The following IQSEC2 variants were observed in gnomAD, a reference collection of about 807,000 sequenced individuals.
The protein encoded by IQSEC2 is IQ motif and SEC7 domain-containing protein 2.
IQSEC2 carries 6 observed loss-of-function variants against 74.6 expected under a neutral mutation model. That is an observed-to-expected ratio of 0.08 (90% CI 0.04 to 0.16). IQSEC2 has a LOEUF of 0.16. Among genes scored for constraint, IQSEC2 ranks in the 10% least tolerant of loss-of-function variants. IQSEC2 has a pLI of 1.00. For missense variants in IQSEC2, 734 were observed against 1,306.2 expected (o/e 0.56, Z 6.75); for synonymous variants, 494 against 544.5 (o/e 0.91, Z 1.29).
chrX:53,312,242 C>T (rs1675041126), intron 1 of IQSEC2, among the ~76,000 whole-genome samples: 1 of 111,221 alleles, frequency 9.0e-6, no homozygotes, highest in African/African-American at 3.3e-5. Context: ...TCCTCCAAGC[C>T]TCAGCTCAGG....
chrX:53,289,152 C>G (rs1206785984), intron 2 of IQSEC2, among the ~76,000 whole-genome samples: 1 of 111,987 alleles, frequency 8.9e-6, no homozygotes, highest in Non-Finnish European at 1.9e-5. Context: ...TCTTCCACCT[C>G]CCTAGCCCTT....
At chrX:53,297,714 T>C (rs2075167542) in intron 1 of IQSEC2, among the ~76,000 whole-genome samples, 1 of 111,792 alleles carries the variant, frequency 8.9e-6, no homozygotes, top group South Asian at 3.8e-4. Context: ...GCAATTCTCC[T>C]CTCAATATGC....
In IQSEC2 at chrX:53,320,936, T is replaced by C. The variant is rs782051125; in HGVS notation, c.188A>G (p.Glu63Gly). ...QLTQENRDLR[E>G]ESQLHRGELH... Reference sequence around the variant, plus strand: ...CTCCCCGCGGTGCAGCTGGCTCTCCTCTCGCAGGTCGCGGTTCTCCTGGGT... The same window carrying C: ...CTCCCCGCGGTGCAGCTGGCTCTCCCCTCGCAGGTCGCGGTTCTCCTGGGT... Residue 63 changes from glutamate to glycine, a missense_variant, in exon 1 of 15, where the codon GAG (glutamate) becomes GGG (glycine). Coordinates refer to ENST00000642864, the MANE Select transcript of IQSEC2 (RefSeq NM_001111125.3). 1.2e-4 allele frequency: 145 copies of C among 1,160,224 alleles called. No individual in the cohort carries two copies. The East Asian group carries it at 3.0e-3, about 24-fold the overall frequency.
Position 53,234,040 on chromosome X carries a change from A to C in IQSEC2, c.*179T>G. The C allele has an allele frequency of 3.2e-6, 1 of 308,054 alleles. No homozygotes were observed. The highest frequency in any genetic ancestry group is 6.0e-5 in the Admixed American group (1 of 16,692). 25.4% of individuals were successfully genotyped at this position (308,054 alleles called of 1,213,427 possible). A position where few individuals can be genotyped will look rare whatever the true frequency, so the allele number is the denominator to read the frequency against. On this transcript the variant is annotated 3_prime_UTR_variant, in exon 15 of 15. Transcript: ENST00000642864. ...GCAAGGATCCTCGAATCTGGAAGGA[A>C]ACCCCATGGCAACTGCTGGGGGTGA...
rs1556864708 is a variant in IQSEC2, at chrX:53,254,824, C to A, written c.1107G>T (p.Arg369=). 1.6e-5 allele frequency: 19 copies of A among 1,206,796 alleles called. No individual in the cohort carries two copies. Among genetic ancestry groups the A allele is most frequent in the Non-Finnish European group, 2.1e-5 (19 of 892,932 alleles). The part of the protein sequence containing the change: ...RQYRMNKNFE[R]LRSSASESRM... Reference sequence around the variant, plus strand: ...GGCTCTCTGAGGCTGAGCTGCGTAGCCGCTCAAAGTTCTTGTTCATGCGGT... The same window carrying A: ...GGCTCTCTGAGGCTGAGCTGCGTAGACGCTCAAAGTTCTTGTTCATGCGGT... Residue 369 remains arginine, a synonymous_variant, in exon 4 of 15, where the codon CGG becomes CGT. Transcript: ENST00000642864.
chrX:53,315,749 G>A (rs1167992022), intron 1 of IQSEC2, among the ~76,000 whole-genome samples: 1 of 112,227 alleles, frequency 8.9e-6, no homozygotes, highest in Non-Finnish European at 1.9e-5. Context: ...CATAGCGTGG[G>A]GCCTGGCAGA....
At chrX:53,281,954 T>A (rs1321367596) in intron 2 of IQSEC2, among the ~76,000 whole-genome samples, 2 of 112,535 alleles carry the variant, frequency 1.8e-5, no homozygotes, top group Non-Finnish European at 3.8e-5. Context: ...ATCTGCCCCT[T>A]CAGCCATATT....
chrX:53,249,650 CTTCCAATTACATCTAATGTT>C (rs1346617665), intron 5 of IQSEC2, among the ~76,000 whole-genome samples: 3 of 112,313 alleles, frequency 2.7e-5, no homozygotes, highest in Non-Finnish European at 5.6e-5. Context: ...CAAGTAATGG[CTTCCAATTACATCTAATGTT>C]TTCCAATTAC....
At chrX:53,247,178 A>G in intron 7 of IQSEC2, 43 bp from the exon 8 acceptor site, 1 of 1,152,709 alleles carries the variant, frequency 8.7e-7, no homozygotes, top group Non-Finnish European at 1.2e-6. Context: ...GGAACCAGCC[A>G]TCTCTGCCTA....
At chrX:53,238,404 C>T (rs1556860230) in intron 11 of IQSEC2, 98 bp from the exon 12 acceptor site, 4 of 826,765 alleles carry the variant, frequency 4.8e-6, no homozygotes, top group Non-Finnish European at 7.1e-6. Context: ...TTTTCTGAGA[C>T]AACATCTCTC....
chrX:53,293,196 A>G lies in IQSEC2; in HGVS notation c.708-1272T>C, dbSNP rs138987472. On this transcript the variant is annotated intron_variant, in intron 1 of 14. Coordinates refer to ENST00000642864, the MANE Select transcript of IQSEC2 (RefSeq NM_001111125.3). ...GGCAGGCAAGCATCAGGGTGCTGCA[A>G]CCACAGCACTCCCGGTTCCACTATT... Among the ~76,000 whole-genome samples the G allele has an allele frequency of 7.7e-3, 864 of 112,451 alleles. 5 individuals carry two copies. Among genetic ancestry groups the G allele is most frequent in the African/African-American group, 0.025 (776 of 30,973 alleles).
At chrX:53,255,294 AGAAG>A (rs1282220202) in intron 3 of IQSEC2, among the ~76,000 whole-genome samples, 2 of 111,491 alleles carry the variant, frequency 1.8e-5, no homozygotes, top group East Asian at 5.6e-4. Context: ...AGAAAGGCAG[AGAAG>A]GAAGGAAGGA....
chrX:53,266,901 G>C, intron 2 of IQSEC2: 1 of 444,776 alleles, frequency 2.2e-6, no homozygotes, highest in Non-Finnish European at 3.6e-6. Context: ...GGGGGTGGGT[G>C]GGGGGAAGGA....
At chrX:53,317,862 A>T (rs1209907688) in intron 1 of IQSEC2, among the ~76,000 whole-genome samples, 1 of 112,351 alleles carries the variant, frequency 8.9e-6, no homozygotes, top group Non-Finnish European at 1.9e-5. Flanking sequence ...TACTGCATCA[A>T]CAGGCCCTCC....
Position 53,254,725 on chromosome X carries a change from G to C in IQSEC2, c.1206C>G (p.Asn402Lys). ...FSFEEYEKAQ[N>K]PAYFEGKPAS... ...CAGGCTTGCCCTCGAAGTACGCGGG[G>C]TTCTGTGCCTTCTCATACTCCTCAA... The change falls in exon 4 of 15, where the codon AAC (asparagine) becomes AAG (lysine). Residue 402 changes from asparagine to lysine, a missense_variant. Asn to Lys is a moderately conservative substitution (Grantham distance 94). This residue lies in a region of IQSEC2 where 204 missense variants were observed against 305.4 expected (regional missense o/e 0.67). Transcript: ENST00000642864. 1 of 1,206,694 alleles carries C rather than the reference G, an allele frequency of 8.3e-7. No homozygotes were observed. Among genetic ancestry groups the C allele is most frequent in the Non-Finnish European group, 1.1e-6 (1 of 892,713 alleles).
At chrX:53,277,036 T>C (rs1231696070) in intron 2 of IQSEC2, among the ~76,000 whole-genome samples, 1 of 111,173 alleles carries the variant, frequency 9.0e-6, no homozygotes, top group African/African-American at 3.3e-5. Flanking sequence ...AGTTGTTGTT[T>C]TTTTTTTATT....
At chrX:53,307,340 T>C (rs1464655129) in intron 1 of IQSEC2, among the ~76,000 whole-genome samples, 2 of 93,247 alleles carry the variant, frequency 2.1e-5, no homozygotes, top group East Asian at 6.9e-4. Flanking sequence ...CATCATGTTA[T>C]CATATTGCCC....
chrX:53,250,832 G>A lies in IQSEC2; in HGVS notation c.1744C>T (p.Arg582Trp), dbSNP rs1064797067. Residue 582 changes from arginine (R) to tryptophan (W), a missense_variant, in exon 5 of 15, where the codon CGG (arginine) becomes TGG (tryptophan). Transcript: ENST00000642864. ...TGGGCAGCCCGCAGCCGGAAATCCC[G>A]GCACTCCAAGCACCCGGGACCCCTG... Reference protein sequence around the residue: ...TRRGPGCLECRDFRLRAAHLP... With the variant: ...TRRGPGCLECWDFRLRAAHLP... The A allele has an allele frequency of 1.7e-6, 2 of 1,207,901 alleles. No individual in the cohort carries two copies. Among genetic ancestry groups the A allele is most frequent in the Non-Finnish European group, 2.2e-6 (2 of 893,640 alleles).
In IQSEC2 at chrX:53,250,851, A is replaced by G; in HGVS notation, c.1725T>C (p.Gly575=). ...AATCCCGGCACTCCAAGCACCCGGG[A>G]CCCCTGCGAGTGCCTTCCTCACGGC... The part of the protein sequence containing the change: ...DGSREEGTRR[G]PGCLECRDFR... The change falls in exon 5 of 15, where the codon GGT becomes GGC. Residue 575 remains glycine, a synonymous_variant. Transcript: ENST00000642864. The G allele has an allele frequency of 1.7e-6, 2 of 1,209,126 alleles. No individual in the cohort carries two copies. The highest frequency in any genetic ancestry group is 5.9e-5 in the East Asian group (2 of 33,779).
Sources: gnomAD v4.1 joint callset for allele counts (sites outside exome capture counted in the v4.1 genomes callset) on GRCh38, gnomAD v4.1.1 for gene constraint, gnomAD v4.1.1 regional missense constraint, MANE v1.5 for transcripts, NCBI Gene and HGNC (gene_info 2026-07-23, HGNC 2026-07-21) for gene names.